The following DPP6 variants were observed in gnomAD, a reference collection of about 807,000 sequenced individuals.
DPP6 encodes the protein A-type potassium channel modulatory protein DPP6.
A neutral mutation model predicts 122.6 loss-of-function variants in DPP6; 69 were observed. That is an observed-to-expected ratio of 0.56 (90% CI 0.46 to 0.69). DPP6 has a LOEUF of 0.69. Ranked by LOEUF, DPP6 falls within the 30% of genes least tolerant of loss-of-function variation. The pLI, the probability that DPP6 is intolerant of heterozygous loss-of-function variation, is 0.00. For missense variants in DPP6, 928 were observed against 1,116.9 expected (o/e 0.83, Z 2.41); for synonymous variants, 418 against 433.1 (o/e 0.97, Z 0.43).
intron 16 of DPP6, among the ~76,000 whole-genome samples, chr7:154,839,447 G>A (rs1011237096): frequency 6.6e-6 from 1 of 152,228 alleles, no homozygotes; most frequent in African/African-American, 2.4e-5. Flanking sequence ...CAGTGCTGGC[G>A]TTACCACTTA....
intron 1 of DPP6, among the ~76,000 whole-genome samples, chr7:153,965,594 G>A (rs1359048220): frequency 6.6e-6 from 1 of 152,094 alleles, no homozygotes. Flanking sequence ...CTCACTGCAA[G>A]CTCCACCTCC....
intron 4 of DPP6, among the ~76,000 whole-genome samples, chr7:154,540,865 T>C (rs1224896014): frequency 6.6e-6 from 1 of 152,196 alleles, no homozygotes; most frequent in Non-Finnish European, 1.5e-5. Context: ...GGAACAAGTG[T>C]TGCATATCAT....
At chr7:154,752,053 G>T (rs374793144) in intron 8 of DPP6, among the ~76,000 whole-genome samples, 21 of 152,306 alleles carry the variant, frequency 1.4e-4, no homozygotes, top group African/African-American at 5.1e-4. Flanking sequence ...ACAGAGCAGG[G>T]CGTCCTTGGA....
intron 16 of DPP6, among the ~76,000 whole-genome samples, chr7:154,831,025 T>A (rs1189432111): frequency 1.3e-5 from 2 of 152,206 alleles, no homozygotes; most frequent in African/African-American, 4.8e-5. Flanking sequence ...CCTCTCACCG[T>A]CCACGCCCAG....
chr7:154,779,008 CCAGCA>C (rs2150397185), intron 10 of DPP6, among the ~76,000 whole-genome samples: 3 of 151,310 alleles, frequency 2.0e-5, no homozygotes, highest in South Asian at 2.1e-4. Flanking sequence ...ACCTCCACCA[CCAGCA>C]CCCCACCATC....
intron 5 of DPP6, among the ~76,000 whole-genome samples, chr7:154,626,607 T>G (rs1835082224): frequency 6.6e-6 from 1 of 152,220 alleles, no homozygotes; most frequent in African/African-American, 2.4e-5. Context: ...TCGTTTGAGA[T>G]ACATATTTGA....
At chr7:153,860,013 G>A in the DPP6 span, among the ~76,000 whole-genome samples, 18 of 152,134 alleles carry the variant, frequency 1.2e-4, no homozygotes, top group Middle Eastern at 3.2e-3. Flanking sequence ...TATCACTAAG[G>A]TTCGCTTAAC....
At chr7:154,196,713 A>C (rs540170034) in intron 1 of DPP6, among the ~76,000 whole-genome samples, 1 of 152,088 alleles carries the variant, frequency 6.6e-6, no homozygotes, top group Non-Finnish European at 1.5e-5. Context: ...TAACCTGAAA[A>C]CATCGATGTC....
Position 154,829,148 on chromosome 7 carries a change from C to T in DPP6, c.1666+22036C>T, listed in dbSNP as rs147492419. Among the ~76,000 whole-genome samples the T allele has an allele frequency of 6.3e-3, 957 of 151,912 alleles. 15 individuals carry two copies. The highest frequency in any genetic ancestry group is 0.011 in the Admixed American group (163 of 15,242). ...CTGTAATCCCAACACTCTGGGAGGC[C>T]GAGGCAGGTGGATCGCTTGAGCTCA... is the stretch of plus-strand genomic sequence containing the variant. On this transcript the variant is annotated intron_variant, in intron 16 of 25. Transcript: ENST00000377770.
At chr7:154,348,691 A>G (rs555206148) in intron 1 of DPP6, among the ~76,000 whole-genome samples, 16 of 152,232 alleles carry the variant, frequency 1.1e-4, no homozygotes, top group Non-Finnish European at 2.4e-4. Flanking sequence ...GTTCTCTAAA[A>G]TAACTACTTC....
chr7:154,758,894 C>T (rs562339278), intron 8 of DPP6, among the ~76,000 whole-genome samples: 33 of 152,272 alleles, frequency 2.2e-4, no homozygotes, highest in African/African-American at 7.5e-4. Context: ...TGGGTCCCAC[C>T]GCCTGTTTGC....
chr7:154,157,241 A>G (rs1326105549), intron 1 of DPP6, among the ~76,000 whole-genome samples: 1 of 152,264 alleles, frequency 6.6e-6, no homozygotes, highest in South Asian at 2.1e-4. Flanking sequence ...AAGGAATCAG[A>G]TAGTGATAAC....
chr7:154,322,534 T>C (rs1808067067), intron 1 of DPP6, among the ~76,000 whole-genome samples: 1 of 152,218 alleles, frequency 6.6e-6, no homozygotes, highest in African/African-American at 2.4e-5. Context: ...CCAATGATCT[T>C]AGGCAATGTA....
chr7:154,725,730 C>G (rs1405715907), intron 7 of DPP6, among the ~76,000 whole-genome samples: 1 of 152,206 alleles, frequency 6.6e-6, no homozygotes, highest in African/African-American at 2.4e-5. Flanking sequence ...TCCCAACAAT[C>G]TCCCAAAGTC....
chr7:154,407,433 T>C (rs1816210682), intron 1 of DPP6, among the ~76,000 whole-genome samples: 1 of 152,240 alleles, frequency 6.6e-6, no homozygotes, highest in South Asian at 2.1e-4. Flanking sequence ...GCCTAGCCAC[T>C]GTCTCACCAC....
intron 10 of DPP6, among the ~76,000 whole-genome samples, chr7:154,788,794 CTCTGTAGAAGCACTGCTCT>C (rs1259526898): frequency 6.6e-6 from 1 of 152,180 alleles, no homozygotes; most frequent in East Asian, 1.9e-4. Flanking sequence ...ACTCTGGTTT[CTCTGTAGAAGCACTGCTCT>C]TCCCAGCCGG....
chr7:154,387,995 A>T (rs971028821), intron 1 of DPP6, among the ~76,000 whole-genome samples: 1 of 152,030 alleles, frequency 6.6e-6, no homozygotes, highest in Non-Finnish European at 1.5e-5. Context: ...CATGGCATGC[A>T]GTGGGTGCTC....
chr7:154,642,809 C>T (rs1308707838), intron 6 of DPP6, among the ~76,000 whole-genome samples: 1 of 149,152 alleles, frequency 6.7e-6, no homozygotes, highest in Non-Finnish European at 1.5e-5. Flanking sequence ...GGCTGAGGCA[C>T]AAGAATCACT....
chr7:154,685,698 A>G (rs1414310089), intron 7 of DPP6, among the ~76,000 whole-genome samples: 2 of 152,338 alleles, frequency 1.3e-5, no homozygotes, highest in East Asian at 3.9e-4. Flanking sequence ...TGCCAGGGAA[A>G]TTGTTGCTTC....
Sources: allele counts gnomAD v4.1 joint callset (sites outside exome capture counted in the v4.1 genomes callset), GRCh38; gene constraint gnomAD v4.1.1; transcripts MANE v1.5; gene names NCBI Gene and HGNC (gene_info 2026-07-23, HGNC 2026-07-21).